Variants in EGFR observed in about 807,000 individuals in gnomAD.
EGFR encodes the protein avian erythroblastic leukemia viral (v-erb-b) oncogene homolog.
A neutral mutation model predicts 143.0 loss-of-function variants in EGFR; 58 were observed. The observed-to-expected ratio is 0.41, with a 90% confidence interval of 0.33 to 0.50. EGFR has a LOEUF of 0.50. EGFR is among the 20% of genes least tolerant of loss of function. EGFR has a pLI of 0.39. For synonymous variants in EGFR, 613 were observed against 594.4 expected, an observed-to-expected ratio of 1.03 and a Z score of -0.45; for missense variants, 1,307 against 1,579.0, an observed-to-expected ratio of 0.83 and a Z score of 2.92.
intron 1 of EGFR, among the ~76,000 whole-genome samples, chr7:55,126,454 G>A (rs1356739942): frequency 6.6e-6 from 1 of 152,216 alleles, no homozygotes; most frequent in Non-Finnish European, 1.5e-5. Flanking sequence ...TAACAGACAA[G>A]GACAGTGAAG....
At chr7:55,043,002 T>C (rs1490590947) in intron 1 of EGFR, among the ~76,000 whole-genome samples, 1 of 152,144 alleles carries the variant, frequency 6.6e-6, no homozygotes, top group East Asian at 1.9e-4. Flanking sequence ...TCTATAAGTA[T>C]ATATATTCCA....
In EGFR at chr7:55,210,358, C is replaced by T. The variant is rs1788209924; in HGVS notation, c.*4741C>T. The T allele has an allele frequency of 6.6e-6, 1 of 152,230 alleles. No homozygotes were observed. The highest frequency in any genetic ancestry group is 1.5e-5 in the Non-Finnish European group (1 of 68,066). The allele number at this position is 152,230 out of a possible 1,614,324, so 9.4% of individuals were successfully genotyped here. ...CAGTCTTACCAAGCCTGGGCCCAGC[C>T]ACCCTAGAGAAGTTATTCAGCCCTG... On this transcript the variant is annotated 3_prime_UTR_variant, in exon 28 of 28. Coordinates refer to ENST00000275493, the MANE Select transcript of EGFR (RefSeq NM_005228.5).
intron 3 of EGFR, among the ~76,000 whole-genome samples, chr7:55,145,193 G>C (rs1002143846): frequency 3.9e-5 from 6 of 152,152 alleles, no homozygotes; most frequent in African/African-American, 1.4e-4. Flanking sequence ...CTGTGCCTCT[G>C]TGCTCTCCTC....
chr7:55,173,797 C>A (rs1786466106), intron 17 of EGFR, 124 bp from the exon 18 acceptor site: 2 of 1,485,058 alleles, frequency 1.3e-6, no homozygotes, highest in Non-Finnish European at 1.9e-6. Flanking sequence ...CTGGCAAGTG[C>A]CGTGTCCTGG....
intron 1 of EGFR, among the ~76,000 whole-genome samples, chr7:55,049,723 A>T (rs1788377427): frequency 6.6e-6 from 1 of 152,142 alleles, no homozygotes; most frequent in Admixed American, 6.5e-5. Context: ...GTGCTCTTTT[A>T]TTTATAAAAT....
intron 1 of EGFR, among the ~76,000 whole-genome samples, chr7:55,090,716 A>G (rs555777210): frequency 7.2e-5 from 11 of 152,322 alleles, no homozygotes; most frequent in Admixed American, 7.2e-4. Context: ...TGAGAAAGCC[A>G]TATGTAACTA....
intron 11 of EGFR, among the ~76,000 whole-genome samples, chr7:55,158,079 C>G (rs1785518426): frequency 6.6e-6 from 1 of 152,226 alleles, no homozygotes; most frequent in African/African-American, 2.4e-5. Flanking sequence ...TCTTTCACGG[C>G]CTTGACACTT....
chr7:55,086,050 C>A (rs530561771), intron 1 of EGFR, among the ~76,000 whole-genome samples: 1 of 152,224 alleles, frequency 6.6e-6, no homozygotes, highest in South Asian at 2.1e-4. Flanking sequence ...CTTATGAGAG[C>A]CACTGTTTGT....
chr7:55,117,435 A>G (rs1792929764), intron 1 of EGFR, among the ~76,000 whole-genome samples: 1 of 152,222 alleles, frequency 6.6e-6, no homozygotes, highest in Non-Finnish European at 1.5e-5. Context: ...AGCATGTTAT[A>G]GGTAAGCTGC....
At chr7:55,190,305 T>C (rs775076847) in intron 20 of EGFR, among the ~76,000 whole-genome samples, 5 of 152,120 alleles carry the variant, frequency 3.3e-5, no homozygotes, top group Non-Finnish European at 1.5e-5. Context: ...ACAGTCCATG[T>C]AGTCATGAGA....
At chr7:55,078,913 G>A (rs1378847192) in intron 1 of EGFR, among the ~76,000 whole-genome samples, 1 of 152,212 alleles carries the variant, frequency 6.6e-6, no homozygotes, top group Admixed American at 6.5e-5. Flanking sequence ...ACGCGTCTGG[G>A]GTGGAGACTC....
In EGFR at chr7:55,206,940, A is replaced by G. The variant is rs1788121939; in HGVS notation, c.*1323A>G. The stretch of plus-strand genomic sequence containing the variant: ...ATGAAACTAGGGTTTGAAATTGATA[A>G]TGCTTTCACAACATTTGCAGATGTT... On this transcript the variant is annotated 3_prime_UTR_variant, in exon 28 of 28. Coordinates refer to ENST00000275493, the MANE Select transcript of EGFR (RefSeq NM_005228.5). 4.3e-6 allele frequency: 1 copy of G among 233,192 alleles called. No individual in the cohort carries two copies. Among genetic ancestry groups the G allele is most frequent in the African/African-American group, 2.2e-5 (1 of 45,480 alleles). The allele number at this position is 233,192 out of a possible 1,614,324, so 14.4% of individuals were successfully genotyped here.
chr7:55,109,656 A>G (rs1393528530), intron 1 of EGFR: 1 of 846,070 alleles, frequency 1.2e-6, no homozygotes, highest in Non-Finnish European at 1.4e-6. Context: ...CTTAATTCCA[A>G]ATTTGCTCTT....
intron 1 of EGFR, among the ~76,000 whole-genome samples, chr7:55,048,547 T>G (rs1388890078): frequency 6.6e-6 from 1 of 152,218 alleles, no homozygotes; most frequent in African/African-American, 2.4e-5. Context: ...AGTAGCCAAT[T>G]GAATATATTG....
At chr7:55,138,483 C>G (rs1183106747) in intron 1 of EGFR, among the ~76,000 whole-genome samples, 2 of 151,960 alleles carry the variant, frequency 1.3e-5, no homozygotes, top group Non-Finnish European at 2.9e-5. Context: ...TTTCTTTCTT[C>G]TTTCTTTTCT....
chr7:55,091,820 A>T (rs1385111865), intron 1 of EGFR, among the ~76,000 whole-genome samples: 1 of 148,084 alleles, frequency 6.8e-6, no homozygotes, highest in East Asian at 2.0e-4. Flanking sequence ...CTCGTAGAGC[A>T]ACTTATCCAA....
At chr7:55,188,638 T>C (rs980022155) in intron 20 of EGFR, among the ~76,000 whole-genome samples, 1 of 152,228 alleles carries the variant, frequency 6.6e-6, no homozygotes, top group African/African-American at 2.4e-5. Flanking sequence ...TTGATATTTC[T>C]TCCTGCGACC....
At chr7:55,041,424 G>C (rs1310675905) in intron 1 of EGFR, among the ~76,000 whole-genome samples, 1 of 151,952 alleles carries the variant, frequency 6.6e-6, no homozygotes, top group Non-Finnish European at 1.5e-5. Flanking sequence ...AAAAAAAGAA[G>C]TAAGAAGTTT....
rs1785291439 is a variant in EGFR, at chr7:55,154,109, G to C, written c.846G>C (p.Glu282Asp). 6.2e-7 allele frequency: 1 copy of C among 1,614,206 alleles called. No homozygotes were observed. The highest frequency in any genetic ancestry group is 8.5e-7 in the Non-Finnish European group (1 of 1,180,040). Residue 282 changes from glutamate to aspartate, a missense_variant, in exon 7 of 28, where the codon GAG becomes GAC. Transcript: ENST00000275493. ...CGTACCAGATGGATGTGAACCCCGA[G>C]GGCAAATACAGCTTTGGTGCCACCT... Reference protein sequence around the residue: ...PTTYQMDVNPEGKYSFGATCV... With the variant: ...PTTYQMDVNPDGKYSFGATCV...
Sources: allele counts gnomAD v4.1 joint callset (sites outside exome capture counted in the v4.1 genomes callset), GRCh38; gene constraint gnomAD v4.1.1; transcripts MANE v1.5; gene names NCBI Gene and HGNC (gene_info 2026-07-23, HGNC 2026-07-21).